The following ANK2 variants were observed in gnomAD, a reference collection of about 807,000 sequenced individuals.
The protein encoded by ANK2 is ankyrin-2.
Under a neutral mutation model 360.5 loss-of-function variants are expected in ANK2, and 83 were observed. That is an observed-to-expected ratio of 0.23 (90% confidence interval 0.19 to 0.28). The LOEUF (loss-of-function observed/expected upper bound fraction) is 0.28. Among genes scored for constraint, ANK2 ranks in the 10% least tolerant of loss-of-function variants. ANK2 has a pLI of 1.00. For synonymous variants in ANK2, 1,740 were observed against 1,759.5 expected, an observed-to-expected ratio of 0.99 and a Z score of 0.28; for missense variants, 4,201 against 4,795.7, an observed-to-expected ratio of 0.88 and a Z score of 3.66.
the ANK2 span, among the ~76,000 whole-genome samples, chr4:112,802,320 G>C: frequency 6.6e-6 from 1 of 152,158 alleles, no homozygotes; most frequent in Non-Finnish European, 1.5e-5. Context: ...ATGAATTAGA[G>C]ATATTTCCTG....
intron 19 of ANK2, among the ~76,000 whole-genome samples, chr4:113,288,116 A>G (rs1365261922): frequency 2.0e-5 from 3 of 152,138 alleles, no homozygotes; most frequent in South Asian, 2.1e-4. Context: ...TGCATCTCCT[A>G]TCAGAGTCAT....
intron 1 of ANK2, among the ~76,000 whole-genome samples, chr4:112,886,333 G>T (rs771742881): frequency 6.6e-6 from 1 of 152,000 alleles, no homozygotes; most frequent in Non-Finnish European, 1.5e-5. Context: ...CAAAAAGGCC[G>T]CACTCCAGAG....
chr4:112,933,522 C>T (rs1470021990), intron 2 of ANK2, among the ~76,000 whole-genome samples: 2 of 145,196 alleles, frequency 1.4e-5, no homozygotes, highest in African/African-American at 5.1e-5. Context: ...TTTTTTGAGG[C>T]GGAGTGTTGC....
intron 2 of ANK2, among the ~76,000 whole-genome samples, chr4:113,023,912 A>G (rs938428648): frequency 2.6e-5 from 4 of 152,212 alleles, no homozygotes; most frequent in African/African-American, 7.2e-5. Context: ...GGGGGAACAT[A>G]TTGCAGAACA....
chr4:112,957,981 C>T (rs1051625191), intron 2 of ANK2, among the ~76,000 whole-genome samples: 3 of 151,034 alleles, frequency 2.0e-5, no homozygotes, highest in Non-Finnish European at 4.4e-5. Flanking sequence ...AGGCGCTCCC[C>T]ACGTCTCAGA....
intron 2 of ANK2, among the ~76,000 whole-genome samples, chr4:112,939,650 T>C (rs1164833260): frequency 6.6e-6 from 1 of 152,192 alleles, no homozygotes; most frequent in Non-Finnish European, 1.5e-5. Context: ...TATTTTAAAG[T>C]TGGACATTCA....
intron 2 of ANK2, among the ~76,000 whole-genome samples, chr4:112,954,290 T>G (rs1323864596): frequency 1.4e-5 from 2 of 144,606 alleles, no homozygotes; most frequent in African/African-American, 5.0e-5. Context: ...CAATAACATG[T>G]CAGTCCTGGT....
chr4:112,801,724 G>A, the ANK2 span, among the ~76,000 whole-genome samples: 10 of 152,210 alleles, frequency 6.6e-5, no homozygotes, highest in South Asian at 2.1e-4. Flanking sequence ...AAAGATGAGT[G>A]TGGTTTGAGA....
the ANK2 span, among the ~76,000 whole-genome samples, chr4:112,794,254 G>A: frequency 6.6e-6 from 1 of 152,154 alleles, no homozygotes. Flanking sequence ...TTCTAACTTG[G>A]ATGTCTTATA....
chr4:113,327,246 A>C (rs1384179655), intron 26 of ANK2, among the ~76,000 whole-genome samples: 4 of 152,106 alleles, frequency 2.6e-5, no homozygotes. Flanking sequence ...TATTTTGTTA[A>C]ATTCAAACTT....
chr4:112,963,291 T>C (rs1205470102), intron 2 of ANK2, among the ~76,000 whole-genome samples: 2 of 152,212 alleles, frequency 1.3e-5, no homozygotes, highest in Non-Finnish European at 2.9e-5. Flanking sequence ...TAAAGCCATT[T>C]ACACCTTTAG....
At chr4:112,950,515 GCA>G (rs1291819744) in intron 2 of ANK2, among the ~76,000 whole-genome samples, 1 of 151,642 alleles carries the variant, frequency 6.6e-6, no homozygotes, top group Non-Finnish European at 1.5e-5. Flanking sequence ...ATGGTGGCAT[GCA>G]CCTGTAGCCC....
chr4:113,145,298 C>G (rs1028830801), intron 1 of ANK2, among the ~76,000 whole-genome samples: 1 of 151,424 alleles, frequency 6.6e-6, no homozygotes, highest in Non-Finnish European at 1.5e-5. Context: ...ATACATAAAC[C>G]AAGTAGTTTC....
At chr4:113,293,595 T>C (rs1587447931) in intron 22 of ANK2, 57 bp downstream of exon 22, 3 of 1,465,984 alleles carry the variant, frequency 2.0e-6, no homozygotes, top group Non-Finnish European at 1.9e-6. Context: ...TCAAACTAAA[T>C]ACATGTACAG....
At chr4:112,710,903 T>TTATA in the ANK2 span, among the ~76,000 whole-genome samples, 38,165 of 140,916 alleles carry the variant, frequency 0.27, 5,289 homozygotes, top group Middle Eastern at 0.32. Context: ...TGAACAGGTT[T>TTATA]TATATATATA....
chr4:113,151,017 G>T (rs2097056301), intron 1 of ANK2: 3 of 1,214,494 alleles, frequency 2.5e-6, no homozygotes, highest in Non-Finnish European at 2.1e-6. Context: ...AAAAATGAAT[G>T]AATTAATGAC....
chr4:112,954,921 T>C (rs1004060435), intron 2 of ANK2, among the ~76,000 whole-genome samples: 1 of 152,128 alleles, frequency 6.6e-6, no homozygotes, highest in African/African-American at 2.4e-5. Context: ...GAATCAGTTA[T>C]AGGGAAATAA....
At chr4:113,309,013 T>C (rs1415016425) in intron 23 of ANK2, among the ~76,000 whole-genome samples, 1 of 152,224 alleles carries the variant, frequency 6.6e-6, no homozygotes, top group East Asian at 1.9e-4. Flanking sequence ...CTTTGATTTG[T>C]ATGCAGAATT....
chr4:112,775,607 C>G, the ANK2 span, among the ~76,000 whole-genome samples: 24 of 151,072 alleles, frequency 1.6e-4, no homozygotes, highest in African/African-American at 5.3e-4. Flanking sequence ...TGTTGGGTAT[C>G]GTTAACTGAG....
Sources: gnomAD v4.1 joint callset for allele counts (sites outside exome capture counted in the v4.1 genomes callset) on GRCh38, gnomAD v4.1.1 for gene constraint, MANE v1.5 for transcripts, NCBI Gene and HGNC (gene_info 2026-07-23, HGNC 2026-07-21) for gene names.